Variants in MAPKBP1 observed in about 807,000 individuals in gnomAD.
The protein encoded by MAPKBP1 is mitogen-activated protein kinase-binding protein 1.
Under a neutral mutation model 170.5 loss-of-function variants are expected in MAPKBP1, and 71 were observed. The observed-to-expected ratio is 0.42, with a 90% CI of 0.34 to 0.51. The LOEUF (loss-of-function observed/expected upper bound fraction) is 0.51, where lower values mean the gene tolerates loss of function less well. Ranked by LOEUF, MAPKBP1 falls within the 20% of genes least tolerant of loss-of-function variation. The pLI is 0.06. For missense variants in MAPKBP1, 1,598 were observed against 1,933.0 expected (o/e 0.83, Z 3.25); for synonymous variants, 719 against 757.9 (o/e 0.95, Z 0.84).
At chr15:41,819,548 G>GGA (rs1555454027) in intron 21 of MAPKBP1, 47 bp from the exon 22 acceptor site, 2 of 993,372 alleles carry the variant, frequency 2.0e-6, no homozygotes, top group Non-Finnish European at 2.7e-6. Context: ...GTTGGGTGGC[G>GGA]GGGGGGGGGC....
chr15:41,811,845 A>C, intron 5 of MAPKBP1, 112 bp from the exon 6 acceptor site: 1 of 1,037,412 alleles, frequency 9.6e-7, no homozygotes, highest in Non-Finnish European at 1.5e-6. Flanking sequence ...TGGCTGGGGA[A>C]GTGATGGTAT....
At chr15:41,813,296 C>T in intron 8 of MAPKBP1, 195 bp downstream of exon 8, 1 of 1,529,468 alleles carries the variant, frequency 6.5e-7, no homozygotes, top group Non-Finnish European at 9.1e-7. Flanking sequence ...TCTGCTCTTT[C>T]TGTCTCTTTC....
chr15:41,777,562 T>C (rs2064118736), intron 2 of MAPKBP1, among the ~76,000 whole-genome samples: 1 of 152,166 alleles, frequency 6.6e-6, no homozygotes, highest in African/African-American at 2.4e-5. Context: ...TTAGCTGAAG[T>C]TGAATGACCC....
chr15:41,792,465 A>G (rs1374301297), intron 2 of MAPKBP1, among the ~76,000 whole-genome samples: 1 of 152,204 alleles, frequency 6.6e-6, no homozygotes, highest in Non-Finnish European at 1.5e-5. Flanking sequence ...TCCACCTGCC[A>G]AAGCAAAAGC....
chr15:41,810,737 A>G (rs934385801), intron 3 of MAPKBP1, 146 bp from the exon 4 acceptor site: 2 of 599,906 alleles, frequency 3.3e-6, no homozygotes, highest in Non-Finnish European at 5.9e-6. Flanking sequence ...AAAAAAAAAA[A>G]AAGAAAAGGA....
intron 2 of MAPKBP1, among the ~76,000 whole-genome samples, chr15:41,778,361 A>T (rs1445705753): frequency 6.6e-6 from 1 of 152,242 alleles, no homozygotes; most frequent in Non-Finnish European, 1.5e-5. Flanking sequence ...AAGAGAGAAG[A>T]AGTCCACGTA....
Position 41,815,364 on chromosome 15 carries a change from G to A in MAPKBP1, c.1276G>A (p.Gly426Arg), listed in dbSNP as rs143147781. 2.4e-5 allele frequency: 38 copies of A among 1,614,166 alleles called. No individual in the cohort carries two copies. The highest frequency in any genetic ancestry group is 1.6e-4 in the Middle Eastern group (1 of 6,062). The change falls in exon 11 of 31, where the codon GGG (glycine) becomes AGG (arginine). Residue 426 changes from glycine (G) to arginine (R), a missense_variant. Physicochemically the swap from Gly to Arg is moderately radical, Grantham distance 125. Coordinates refer to ENST00000457542, the MANE Select transcript of MAPKBP1 (RefSeq NM_014994.3). ...TIRLWNTESS[G>R]VHGSTLHRNI... is the part of the protein sequence containing the mutation. ...CCGCCTGTGGAACACAGAGAGCTCCGGGGTGCATGGCTCCACCCTCCACCG... is the reference window on the plus strand; with the variant it reads ...CCGCCTGTGGAACACAGAGAGCTCCAGGGTGCATGGCTCCACCCTCCACCG...
chr15:41,775,272 C>T lies in MAPKBP1; in HGVS notation c.-4C>T. On this transcript the variant is annotated 5_prime_UTR_variant, in exon 2 of 31. Coordinates refer to ENST00000457542, the MANE Select transcript of MAPKBP1 (RefSeq NM_014994.3). The stretch of plus-strand genomic sequence containing the variant: ...GGGACTGTCCCAAAGGGTTTCTCGT[C>T]ATAATGGCTGTGGAAGGGTCAACCA... The T allele has an allele frequency of 6.2e-7, 1 of 1,612,220 alleles. No individual in the cohort carries two copies. The highest frequency in any genetic ancestry group is 1.3e-5 in the African/African-American group (1 of 74,972).
intron 2 of MAPKBP1, among the ~76,000 whole-genome samples, chr15:41,787,528 C>T (rs2064320246): frequency 6.6e-6 from 1 of 152,048 alleles, no homozygotes. Flanking sequence ...CCACCATGCC[C>T]AGCTAATTTT....
chr15:41,815,665 C>G lies in MAPKBP1; in HGVS notation c.1359C>G (p.Ala453=). The G allele has an allele frequency of 6.2e-7, 1 of 1,614,060 alleles. No individual in the cohort carries two copies. The highest frequency in any genetic ancestry group is 8.5e-7 in the Non-Finnish European group (1 of 1,179,972). The change falls in exon 12 of 31, where the codon GCC becomes GCG. Residue 453 remains alanine (A), a synonymous_variant. Coordinates refer to ENST00000457542, the MANE Select transcript of MAPKBP1 (RefSeq NM_014994.3). ...KIIYVDGNTQ[A]LLDTELPGGD... is the part of the protein sequence containing the mutation. The stretch of plus-strand genomic sequence containing the variant: ...TCTATGTGGATGGGAACACCCAGGC[C>G]CTGCTGGACACAGAGCTGCCTGGAG...
chr15:41,805,590 GGGA>G, intron 3 of MAPKBP1, among the ~76,000 whole-genome samples: 1 of 152,326 alleles, frequency 6.6e-6, no homozygotes. Flanking sequence ...GATTTAAGTG[GGGA>G]GGAGAAGAGG....
intron 2 of MAPKBP1, among the ~76,000 whole-genome samples, chr15:41,788,226 G>A (rs1239099669): frequency 6.6e-6 from 1 of 152,152 alleles, no homozygotes; most frequent in African/African-American, 2.4e-5. Flanking sequence ...AGAGTGCTGG[G>A]ATTACAGGGG....
intron 3 of MAPKBP1, among the ~76,000 whole-genome samples, chr15:41,807,021 G>T (rs2064709755): frequency 6.6e-6 from 1 of 152,194 alleles, no homozygotes; most frequent in Non-Finnish European, 1.5e-5. Flanking sequence ...TCTCTTGTTG[G>T]ATGGCTTCCA....
In MAPKBP1 at chr15:41,827,276, G is replaced by C. The variant is rs2065123601; in HGVS notation, c.*1840G>C. On this transcript the variant is annotated 3_prime_UTR_variant, in exon 31 of 31. Transcript: ENST00000457542. ...GATCGCGCCATTGCACTCCAACCTA[G>C]GTGACAAAGCTACACGCCATCTCAA... 6.6e-6 allele frequency: 1 copy of C among 151,966 alleles called. No individual in the cohort carries two copies. Among genetic ancestry groups the C allele is most frequent in the Non-Finnish European group, 1.5e-5 (1 of 68,054 alleles). The allele number at this position is 151,966 out of a possible 1,614,324, so 9.4% of individuals were successfully genotyped here.
intron 2 of MAPKBP1, among the ~76,000 whole-genome samples, chr15:41,778,691 G>A (rs2064135049): frequency 6.6e-6 from 1 of 152,218 alleles, no homozygotes; most frequent in Admixed American, 6.5e-5. Flanking sequence ...GTTGGGCTGT[G>A]TTTTCCTTAA....
chr15:41,823,789 G>A lies in MAPKBP1; in HGVS notation c.3941G>A (p.Arg1314Gln), dbSNP rs771588287. The A allele has an allele frequency of 3.2e-5, 51 of 1,613,982 alleles. No individual in the cohort carries two copies. Among genetic ancestry groups the A allele is most frequent in the Non-Finnish European group, 4.0e-5 (47 of 1,180,044 alleles). ...LAAFSPVTKG[R>Q]APGEAEKPGF... is the part of the protein sequence containing the mutation. ...GCATTCTCTCCTGTCACCAAAGGCC[G>A]GGCCCCTGGCGAGGCAGAAAAGCCT... The change falls in exon 29 of 31, where the codon CGG becomes CAG. Residue 1314 changes from arginine to glutamine, a missense_variant. Arg to Gln is a conservative substitution (Grantham distance 43). Around this residue, in one of 6 missense-constraint regions of MAPKBP1, gnomAD observed 942 missense variants for 953.2 expected, o/e 0.99. Transcript: ENST00000457542.
intron 2 of MAPKBP1, among the ~76,000 whole-genome samples, chr15:41,798,271 A>T (rs916846418): frequency 7.6e-6 from 1 of 131,878 alleles, no homozygotes; most frequent in African/African-American, 2.8e-5. Context: ...AAAAAAAAAA[A>T]TCTAAACAGG....
intron 23 of MAPKBP1, 21 bp downstream of exon 23, chr15:41,821,089 C>G: frequency 6.2e-7 from 1 of 1,610,236 alleles, no homozygotes; most frequent in Non-Finnish European, 8.5e-7. Flanking sequence ...TTTCTCCCAG[C>G]TCTCTAGAGA....
Position 41,811,024 on chromosome 15 carries a change from C to G in MAPKBP1, c.269+79C>G. On this transcript the variant is annotated intron_variant, in intron 4 of 30. Transcript: ENST00000457542. ...GGCACTGTCTAGAGTCTCTATGGCTCTGGGGGCTGGGACCTGGTTGGGTCC... is the reference window on the plus strand; with the variant it reads ...GGCACTGTCTAGAGTCTCTATGGCTGTGGGGGCTGGGACCTGGTTGGGTCC... The G allele has an allele frequency of 5.1e-6, 8 of 1,576,392 alleles. No individual in the cohort carries two copies. In the Middle Eastern group the frequency reaches 1.0e-3, roughly 199 times the overall value.
Sources: gnomAD v4.1 joint callset for allele counts (sites outside exome capture counted in the v4.1 genomes callset) on GRCh38, gnomAD v4.1.1 for gene constraint, gnomAD v4.1.1 regional missense constraint, MANE v1.5 for transcripts, NCBI Gene and HGNC (gene_info 2026-07-23, HGNC 2026-07-21) for gene names.